Variants in DPYD observed in about 807,000 individuals in gnomAD.
DPYD encodes dihydropyrimidine dehydrogenase [NADP(+)].
Under a neutral mutation model 116.2 loss-of-function variants are expected in DPYD, and 109 were observed. That is an observed-to-expected ratio of 0.94 (90% CI 0.80 to 1.10). The LOEUF (loss-of-function observed/expected upper bound fraction) is 1.10, where lower values mean the gene tolerates loss of function less well. DPYD is among the 50% of genes least tolerant of loss of function. DPYD has a pLI of 0.00. For missense variants in DPYD, 1,302 were observed against 1,254.5 expected (o/e 1.04, Z -0.57); for synonymous variants, 440 against 432.0 (o/e 1.02, Z -0.23).
chr1:97,581,148 GCAACAA>G (rs370329631), intron 10 of DPYD, among the ~76,000 whole-genome samples: 50 of 149,940 alleles, frequency 3.3e-4, no homozygotes, highest in African/African-American at 1.2e-3. Flanking sequence ...TATTAAAAAT[GCAACAA>G]CAACAACAAC....
chr1:97,703,947 T>C (rs1661751193), intron 5 of DPYD, among the ~76,000 whole-genome samples: 1 of 152,082 alleles, frequency 6.6e-6, no homozygotes, highest in South Asian at 2.1e-4. Flanking sequence ...GAGCTGGTCC[T>C]GGCTGGCTTC....
At chr1:97,900,223 C>G (rs1280786546) in intron 1 of DPYD, among the ~76,000 whole-genome samples, 1 of 151,900 alleles carries the variant, frequency 6.6e-6, no homozygotes, top group Non-Finnish European at 1.5e-5. Context: ...AATGGAAAGA[C>G]AGAAACCTGT....
chr1:97,750,681 A>G (rs746477771), intron 3 of DPYD, among the ~76,000 whole-genome samples: 2 of 152,200 alleles, frequency 1.3e-5, no homozygotes, highest in Non-Finnish European at 2.9e-5. Context: ...CAAAGAATTC[A>G]CTTAAGAGTT....
rs191024385 is a variant in DPYD at position 97,744,576 on chromosome 1, C to T, written c.234-4097G>A. 1.3e-3 allele frequency among the ~76,000 whole-genome samples: 193 copies of T among 151,986 alleles called. 5 individuals carry two copies. The highest frequency in any genetic ancestry group is 1.9e-3 in the Admixed American group (29 of 15,218). On this transcript the variant is annotated intron_variant, in intron 3 of 22. Coordinates refer to ENST00000370192, the MANE Select transcript of DPYD (RefSeq NM_000110.4). ...GGTTTCATCAGGCTATGTAAATATA[C>T]GTTAATCTATATATAATGGCATTAA...
chr1:97,489,373 T>C (rs752268800), intron 13 of DPYD, among the ~76,000 whole-genome samples: 3 of 152,206 alleles, frequency 2.0e-5, no homozygotes, highest in South Asian at 4.1e-4. Context: ...GCCATGCTCA[T>C]CTATACACAA....
chr1:97,601,207 A>G (rs1655226007), intron 8 of DPYD, among the ~76,000 whole-genome samples: 1 of 152,072 alleles, frequency 6.6e-6, no homozygotes, highest in South Asian at 2.1e-4. Flanking sequence ...AACCCTGCTT[A>G]CTATACAGGG....
At position 97,888,300 on chromosome 1, in the gene DPYD, A is replaced by G. The variant is rs1402164164; in HGVS notation, c.40-4926T>C. On this transcript the variant is annotated intron_variant, in intron 1 of 22. Transcript: ENST00000370192. ...AGCAAACTTAAAGACAGATCAAGAG[A>G]GATTACACAATCAGAAGACCAAAGA... Among the ~76,000 whole-genome samples, 5 of 152,140 alleles carry G rather than the reference A, an allele frequency of 3.3e-5. No homozygotes were observed. In the East Asian group the frequency reaches 9.7e-4, roughly 30 times the overall value.
chr1:97,140,648 C>T (rs1005395472), intron 20 of DPYD, among the ~76,000 whole-genome samples: 2 of 152,094 alleles, frequency 1.3e-5, no homozygotes, highest in African/African-American at 2.4e-5. Flanking sequence ...GAGAGGGAGG[C>T]AGAAGATAAT....
chr1:97,334,747 G>C (rs1325797911), intron 16 of DPYD, among the ~76,000 whole-genome samples: 6 of 152,184 alleles, frequency 3.9e-5, no homozygotes, highest in African/African-American at 1.4e-4. Context: ...TATAAGATCA[G>C]TGTCACAAAC....
rs1404540366 is a variant in DPYD, at chr1:97,499,302, T to C, written c.1740+16424A>G. Among the ~76,000 whole-genome samples, 5 of 151,850 alleles carry C rather than the reference T, an allele frequency of 3.3e-5. No homozygotes were observed. The East Asian group carries it at 7.7e-4, about 23-fold the overall frequency. ...TGAAGTCTTCCAAGACTTTGTAACC[T>C]ATGCTTCAAATGGAATGAATATAAT... On this transcript the variant is annotated intron_variant, in intron 13 of 22. Transcript: ENST00000370192.
At chr1:97,901,311 T>G (rs1306022686) in intron 1 of DPYD, among the ~76,000 whole-genome samples, 1 of 151,866 alleles carries the variant, frequency 6.6e-6, no homozygotes, top group African/African-American at 2.4e-5. Context: ...TTGCTGCATA[T>G]TCACTGTAAA....
rs143149840 is a variant in DPYD, at chr1:97,141,118, T to C, written c.2623-42486A>G. 1.8e-4 allele frequency among the ~76,000 whole-genome samples: 27 copies of C among 152,264 alleles called. No individual in the cohort carries two copies. In the East Asian group the frequency reaches 4.8e-3, roughly 27 times the overall value. On this transcript the variant is annotated intron_variant, in intron 20 of 22. Transcript: ENST00000370192. ...AATGGAATGGGAAGTACTGAAGATG[T>C]ATAGTGATCTCGCTTCATGTAGGAT...
At chr1:97,082,300 A>G (rs1434396249) in intron 22 of DPYD, 30 bp downstream of exon 22, 1 of 1,613,016 alleles carries the variant, frequency 6.2e-7, no homozygotes, top group Non-Finnish European at 8.5e-7. Flanking sequence ...AACATGTCTC[A>G]TAGCATTCTA....
chr1:97,205,858 A>G (rs1475258936), intron 19 of DPYD, among the ~76,000 whole-genome samples: 1 of 151,988 alleles, frequency 6.6e-6, no homozygotes, highest in Non-Finnish European at 1.5e-5. Flanking sequence ...TAACCCTTGC[A>G]TCTCCTGGAA....
chr1:97,386,778 T>C (rs915002207), intron 14 of DPYD, among the ~76,000 whole-genome samples: 6 of 151,980 alleles, frequency 3.9e-5, no homozygotes, highest in African/African-American at 9.7e-5. Context: ...TTCTGAGAAA[T>C]AAAGATGACC....
intron 16 of DPYD, among the ~76,000 whole-genome samples, chr1:97,306,806 T>C (rs190195485): frequency 2.0e-5 from 3 of 152,098 alleles, no homozygotes; most frequent in Non-Finnish European, 1.5e-5. Context: ...AATCTACATG[T>C]GATATATAGT....
intron 16 of DPYD, among the ~76,000 whole-genome samples, chr1:97,370,095 G>A (rs959769640): frequency 2.6e-5 from 4 of 152,132 alleles, no homozygotes; most frequent in Non-Finnish European, 5.9e-5. Flanking sequence ...GTGTGCATGT[G>A]TCTTTATAGT....
At chr1:97,278,550 A>G (rs1361693384) in intron 18 of DPYD, among the ~76,000 whole-genome samples, 1 of 152,226 alleles carries the variant, frequency 6.6e-6, no homozygotes, top group African/African-American at 2.4e-5. Context: ...CAGAGCTGCA[A>G]TTATGCCAAA....
intron 3 of DPYD, among the ~76,000 whole-genome samples, chr1:97,793,607 T>G (rs907870817): frequency 6.6e-6 from 1 of 152,088 alleles, no homozygotes; most frequent in African/African-American, 2.4e-5. Flanking sequence ...GAAATGAGTC[T>G]TTTCCACAAT....
Sources: allele counts gnomAD v4.1 joint callset (sites outside exome capture counted in the v4.1 genomes callset), GRCh38; gene constraint gnomAD v4.1.1; transcripts MANE v1.5; gene names NCBI Gene and HGNC (gene_info 2026-07-23, HGNC 2026-07-21).